TRAK2: variants seen among roughly 807,000 people sequenced by gnomAD.
TRAK2 encodes the protein trafficking kinesin-binding protein 2.
TRAK2 carries 81 observed loss-of-function variants against 104.6 expected under a neutral mutation model. That is an observed-to-expected ratio of 0.77 (90% confidence interval 0.65 to 0.93). The LOEUF (loss-of-function observed/expected upper bound fraction) is 0.93. Ranked by LOEUF, TRAK2 falls within the 40% of genes least tolerant of loss-of-function variation. The pLI is 0.00. For synonymous variants in TRAK2, 406 were observed against 394.4 expected (o/e 1.03, Z -0.35); for missense variants, 1,002 against 1,089.0 (o/e 0.92, Z 1.12).
chr2:201,404,496 G>A (rs1348782766), intron 3 of TRAK2, among the ~76,000 whole-genome samples: 2 of 152,140 alleles, frequency 1.3e-5, no homozygotes, highest in Non-Finnish European at 2.9e-5. Context: ...TGAAAATACA[G>A]GGTGGGAGTT....
At chr2:201,414,056 G>GTAA (rs1356512874) in intron 2 of TRAK2, among the ~76,000 whole-genome samples, 1 of 152,122 alleles carries the variant, frequency 6.6e-6, no homozygotes, top group Non-Finnish European at 1.5e-5. Flanking sequence ...CACAACAGTA[G>GTAA]TAAGAAGTAA....
chr2:201,386,660 T>G (rs1951393997), intron 13 of TRAK2, among the ~76,000 whole-genome samples, 176 bp from the exon 14 acceptor site: 2 of 152,086 alleles, frequency 1.3e-5, no homozygotes, highest in African/African-American at 4.8e-5. Flanking sequence ...GATGACAAGA[T>G]GTCAAAGGTA....
chr2:201,383,277 G>C (rs570304892), intron 15 of TRAK2, among the ~76,000 whole-genome samples: 3 of 152,334 alleles, frequency 2.0e-5, no homozygotes, highest in Admixed American at 6.5e-5. Context: ...TCTTTGGCTA[G>C]AGTGGAGGCT....
intron 3 of TRAK2, among the ~76,000 whole-genome samples, chr2:201,401,765 T>C (rs1176960841): frequency 1.3e-5 from 2 of 152,216 alleles, no homozygotes; most frequent in South Asian, 2.1e-4. Context: ...AGTTCAGGAA[T>C]TGTCAATGTA....
chr2:201,430,943 G>C (rs1018711638), intron 1 of TRAK2, among the ~76,000 whole-genome samples: 1 of 152,146 alleles, frequency 6.6e-6, no homozygotes, highest in African/African-American at 2.4e-5. Context: ...GTTCCTATTT[G>C]GCCATCTTGG....
intron 3 of TRAK2, among the ~76,000 whole-genome samples, chr2:201,403,967 AG>A (rs1206152706): frequency 6.6e-6 from 1 of 152,176 alleles, no homozygotes; most frequent in Non-Finnish European, 1.5e-5. Context: ...CAAAACAGAA[AG>A]GAACAATGGA....
intron 2 of TRAK2, among the ~76,000 whole-genome samples, chr2:201,410,305 C>CAA (rs1279545251): frequency 7.0e-5 from 8 of 114,144 alleles, no homozygotes; most frequent in Non-Finnish European, 1.3e-4. Flanking sequence ...GACTCCGTCT[C>CAA]AAAAAAAAAA....
chr2:201,387,631 A>G, intron 13 of TRAK2, 72 bp downstream of exon 13: 3 of 1,421,980 alleles, frequency 2.1e-6, no homozygotes, highest in Non-Finnish European at 1.9e-6. Context: ...ATTAAGACAC[A>G]AATCTCAATT....
intron 3 of TRAK2, among the ~76,000 whole-genome samples, chr2:201,406,873 C>T (rs1401245692): frequency 1.3e-5 from 2 of 152,182 alleles, no homozygotes; most frequent in African/African-American, 4.8e-5. Flanking sequence ...AAATCTGGCT[C>T]AGTCTCTCAC....
chr2:201,411,619 C>T, intron 2 of TRAK2: 1 of 800,048 alleles, frequency 1.2e-6, no homozygotes, highest in Non-Finnish European at 2.3e-6. Context: ...TGAGGCAATA[C>T]TTTTCCAGTC....
In TRAK2 at chr2:201,399,545, GC is replaced by G. The variant is rs766513234; in HGVS notation, c.364-53del. The G allele has an allele frequency of 3.5e-5, 49 of 1,388,678 alleles. No individual in the cohort carries two copies. In the East Asian group the frequency reaches 1.0e-3, roughly 29 times the overall value. 86.0% of individuals were successfully genotyped at this position (1,388,678 alleles called of 1,614,324 possible). A position where few individuals can be genotyped will look rare whatever the true frequency, so the allele number is the denominator to read the frequency against. ...CTTTGAGTATAAACAAGGTTAAATG[GC>G]AGTTCAGAAATTTTGTGGTCAGTTT... On this transcript the variant is annotated intron_variant, in intron 4 of 15. Transcript: ENST00000332624.
chr2:201,439,704 A>C (rs2125662046), intron 1 of TRAK2, among the ~76,000 whole-genome samples: 1 of 151,908 alleles, frequency 6.6e-6, no homozygotes, highest in South Asian at 2.1e-4. Flanking sequence ...ACAATGATAG[A>C]CTGGATTAAG....
chr2:201,446,648 C>T (rs1244113587), intron 1 of TRAK2, among the ~76,000 whole-genome samples: 1 of 152,242 alleles, frequency 6.6e-6, no homozygotes, highest in South Asian at 2.1e-4. Context: ...TGAATCTTAA[C>T]TCTGCTGCCT....
chr2:201,451,132 G>A (rs1209821399), intron 1 of TRAK2, among the ~76,000 whole-genome samples: 1 of 152,192 alleles, frequency 6.6e-6, no homozygotes, highest in Non-Finnish European at 1.5e-5. Flanking sequence ...GCTGAATACC[G>A]ACGCCAGCGC....
At chr2:201,445,144 T>C (rs1357275843) in intron 1 of TRAK2, among the ~76,000 whole-genome samples, 4 of 152,180 alleles carry the variant, frequency 2.6e-5, no homozygotes, top group African/African-American at 4.8e-5. Flanking sequence ...CTAGCATGAA[T>C]AAACCACAAT....
At chr2:201,443,439 T>A (rs1214463396) in intron 1 of TRAK2, among the ~76,000 whole-genome samples, 1 of 152,228 alleles carries the variant, frequency 6.6e-6, no homozygotes, top group African/African-American at 2.4e-5. Context: ...CCCCTTGGTC[T>A]TTAAATGTTA....
intron 1 of TRAK2, among the ~76,000 whole-genome samples, chr2:201,438,654 T>A (rs1951896889): frequency 6.6e-6 from 1 of 152,162 alleles, no homozygotes; most frequent in African/African-American, 2.4e-5. Flanking sequence ...CTCAGATAAT[T>A]CTACTACAAT....
At chr2:201,388,220 T>C in intron 12 of TRAK2, 2 of 554,390 alleles carry the variant, frequency 3.6e-6, no homozygotes, top group African/African-American at 1.9e-5. Context: ...GGCAAGATAA[T>C]ACTTTATTGA....
chr2:201,401,044 C>G lies in TRAK2; in HGVS notation c.337G>C (p.Asp113His), dbSNP rs752578019. ...EQMTKTYNDI[D>H]MVTHLLAERD... is the part of the protein sequence containing the mutation. ...TCTGCCAGGAGATGTGTAACCATGT[C>G]GATGTCATTGTAAGTTTTGGTCATC... Residue 113 changes from aspartate (D) to histidine (H), a missense_variant, in exon 4 of 16, where the codon GAC becomes CAC. Asp to His is a moderately conservative substitution (Grantham distance 81, BLOSUM62 -1). Coordinates refer to ENST00000332624, the MANE Select transcript of TRAK2 (RefSeq NM_015049.3). The G allele has an allele frequency of 6.2e-7, 1 of 1,611,276 alleles. No individual in the cohort carries two copies.
Sources: allele counts gnomAD v4.1 joint callset (sites outside exome capture counted in the v4.1 genomes callset), GRCh38; gene constraint gnomAD v4.1.1; transcripts MANE v1.5; gene names NCBI Gene and HGNC (gene_info 2026-07-23, HGNC 2026-07-21).